BTBD9: variants seen among roughly 807,000 people sequenced by gnomAD.
BTBD9 encodes BTB domain containing 9, also known as BTB/POZ domain-containing protein 9.
In BTBD9, 49 loss-of-function variants were observed where a neutral mutation model predicts 64.3. The ratio of observed to expected loss-of-function variants is 0.76; its 90% confidence interval spans 0.61 to 0.97. The LOEUF is 0.97. BTBD9 is among the 50% of genes least tolerant of loss of function. The probability of loss-of-function intolerance (pLI) is 0.00; values close to 1 mark genes in which losing one functional copy is unlikely to be tolerated. For synonymous variants in BTBD9, 260 were observed against 274.7 expected, an observed-to-expected ratio of 0.95 and a Z score of 0.53; for missense variants, 598 against 762.1, an observed-to-expected ratio of 0.78 and a Z score of 2.53.
intron 1 of BTBD9, among the ~76,000 whole-genome samples, chr6:38,603,027 A>G (rs1332317248): frequency 6.6e-6 from 1 of 152,110 alleles, no homozygotes; most frequent in Non-Finnish European, 1.5e-5. Context: ...GTGTTCTTCA[A>G]TTTGCCCCTA....
At chr6:38,181,880 C>T (rs867102707) in intron 10 of BTBD9, among the ~76,000 whole-genome samples, 2 of 152,008 alleles carry the variant, frequency 1.3e-5, no homozygotes, top group Admixed American at 6.6e-5. Context: ...CCCAGCTGCT[C>T]GGGAGGCTAA....
At chr6:38,336,924 C>T (rs1326679661) in intron 7 of BTBD9, among the ~76,000 whole-genome samples, 3 of 152,134 alleles carry the variant, frequency 2.0e-5, no homozygotes, top group African/African-American at 7.2e-5. Flanking sequence ...TCAGCAGCCT[C>T]TTAATAAATG....
intron 6 of BTBD9, among the ~76,000 whole-genome samples, chr6:38,431,062 A>G (rs1333163065): frequency 1.3e-5 from 2 of 151,872 alleles, no homozygotes; most frequent in African/African-American, 4.9e-5. Flanking sequence ...TGACCTCCAA[A>G]GGTGAAGGGC....
At chr6:38,269,922 C>T (rs1379283605) in intron 8 of BTBD9, among the ~76,000 whole-genome samples, 1 of 152,186 alleles carries the variant, frequency 6.6e-6, no homozygotes, top group Non-Finnish European at 1.5e-5. Context: ...GTACACTAAT[C>T]CTTCAAAATG....
intron 6 of BTBD9, among the ~76,000 whole-genome samples, chr6:38,530,206 T>C (rs931827954): frequency 6.6e-6 from 1 of 152,218 alleles, no homozygotes; most frequent in African/African-American, 2.4e-5. Flanking sequence ...ACCAGTTCTC[T>C]GCTCTAGAAC....
At chr6:38,597,834 T>C (rs1158222557) in intron 2 of BTBD9, 76 bp downstream of exon 2, 6 of 1,256,260 alleles carry the variant, frequency 4.8e-6, no homozygotes, top group Non-Finnish European at 6.8e-6. Flanking sequence ...CTTGGTTATA[T>C]ATTTTTCATA....
At chr6:38,284,338 T>A (rs564705766) in intron 8 of BTBD9, among the ~76,000 whole-genome samples, 1 of 152,152 alleles carries the variant, frequency 6.6e-6, no homozygotes, top group Non-Finnish European at 1.5e-5. Flanking sequence ...TTCCACATTT[T>A]AAAAAAACCC....
At chr6:38,410,784 T>C (rs1261717940) in intron 6 of BTBD9, among the ~76,000 whole-genome samples, 5 of 151,462 alleles carry the variant, frequency 3.3e-5, no homozygotes, top group African/African-American at 1.2e-4. Flanking sequence ...TCCCAACACT[T>C]TGGGAGGCTG....
chr6:38,596,080 G>A (rs1777020170), intron 2 of BTBD9: 1 of 984,784 alleles, frequency 1.0e-6, no homozygotes, highest in Non-Finnish European at 1.2e-6. Flanking sequence ...GAATTGATAG[G>A]CTATTATGAC....
At chr6:38,569,784 T>G (rs1039470376) in intron 6 of BTBD9, among the ~76,000 whole-genome samples, 4 of 152,024 alleles carry the variant, frequency 2.6e-5, no homozygotes, top group South Asian at 2.1e-4. Context: ...GGCGGGGTTT[T>G]GGGGGATTTT....
At chr6:38,434,494 G>A (rs1157028122) in intron 6 of BTBD9, among the ~76,000 whole-genome samples, 1 of 151,830 alleles carries the variant, frequency 6.6e-6, no homozygotes, top group African/African-American at 2.4e-5. Context: ...CCAAACCATT[G>A]TATTTCTTAA....
At chr6:38,546,491 C>A (rs1582612402) in intron 6 of BTBD9, among the ~76,000 whole-genome samples, 1 of 152,086 alleles carries the variant, frequency 6.6e-6, no homozygotes, top group African/African-American at 2.4e-5. Flanking sequence ...TATGACACTG[C>A]AGATACTGTG....
intron 6 of BTBD9, among the ~76,000 whole-genome samples, chr6:38,446,785 T>C (rs1159266954): frequency 6.6e-6 from 1 of 152,212 alleles, no homozygotes; most frequent in East Asian, 1.9e-4. Flanking sequence ...TAGTTGAACT[T>C]GAACCCAGTT....
At chr6:38,475,798 G>A (rs1216826252) in intron 6 of BTBD9, among the ~76,000 whole-genome samples, 1 of 152,178 alleles carries the variant, frequency 6.6e-6, no homozygotes, top group Non-Finnish European at 1.5e-5. Context: ...TGATAGGGCA[G>A]GGAAGAGAAG....
At chr6:38,449,279 CT>C (rs1198973225) in intron 6 of BTBD9, among the ~76,000 whole-genome samples, 1 of 152,122 alleles carries the variant, frequency 6.6e-6, no homozygotes, top group Non-Finnish European at 1.5e-5. Flanking sequence ...AATAGTCTGC[CT>C]CAAAAGACAG....
Position 38,172,620 on chromosome 6 carries a change from G to A in BTBD9, c.*2365C>T, listed in dbSNP as rs1261851523. On this transcript the variant is annotated 3_prime_UTR_variant, in exon 11 of 11. Coordinates refer to ENST00000481247, the MANE Select transcript of BTBD9 (RefSeq NM_001099272.2). Reference sequence around the variant, plus strand: ...AGGCGAGCTGGCAGCGCGGCTGTGAGGGAATGAGACTTTGCCATCAGTCCT... The same window carrying A: ...AGGCGAGCTGGCAGCGCGGCTGTGAAGGAATGAGACTTTGCCATCAGTCCT... The A allele has an allele frequency of 6.6e-6, 1 of 152,354 alleles. No individual in the cohort carries two copies. Among genetic ancestry groups the A allele is most frequent in the African/African-American group, 2.4e-5 (1 of 41,476 alleles). 9.4% of individuals were successfully genotyped at this position (152,354 alleles called of 1,614,324 possible).
At chr6:38,585,985 T>C (rs1212509041) in intron 4 of BTBD9, among the ~76,000 whole-genome samples, 2 of 133,160 alleles carry the variant, frequency 1.5e-5, no homozygotes, top group African/African-American at 2.8e-5. Context: ...CACACGCATA[T>C]TTATGTGTTA....
At chr6:38,360,044 C>T (rs9349072) in intron 6 of BTBD9, among the ~76,000 whole-genome samples, 98,980 of 152,010 alleles carry the variant, frequency 0.65, 33,029 homozygotes, top group East Asian at 0.95. Flanking sequence ...ATTTACAAGA[C>T]AAATATAATT....
At chr6:38,470,827 C>G (rs901419362) in intron 6 of BTBD9, among the ~76,000 whole-genome samples, 1 of 152,236 alleles carries the variant, frequency 6.6e-6, no homozygotes, top group Non-Finnish European at 1.5e-5. Flanking sequence ...CTCAGTCCAA[C>G]AGGCCAAGCA....
Sources: allele counts gnomAD v4.1 joint callset (sites outside exome capture counted in the v4.1 genomes callset), GRCh38; gene constraint gnomAD v4.1.1; transcripts MANE v1.5; gene names NCBI Gene and HGNC (gene_info 2026-07-23, HGNC 2026-07-21).